The following SIPA1L2 variants were observed in gnomAD, a reference collection of about 807,000 sequenced individuals.
SIPA1L2 encodes the protein signal-induced proliferation-associated 1-like protein 2.
In SIPA1L2, 56 loss-of-function variants were observed where a neutral mutation model predicts 163.9. The ratio of observed to expected loss-of-function variants is 0.34; its 90% CI spans 0.28 to 0.43. The LOEUF is 0.43. SIPA1L2 is among the 20% of genes least tolerant of loss of function. The pLI is 1.00. For missense variants in SIPA1L2, 1,974 were observed against 2,193.5 expected, an observed-to-expected ratio of 0.90 and a Z score of 2.00; for synonymous variants, 877 against 865.7, an observed-to-expected ratio of 1.01 and a Z score of -0.23.
chr1:232,574,265 T>C (rs189729213), intron 1 of SIPA1L2, among the ~76,000 whole-genome samples, 43 bp from the exon 2 acceptor site: 1 of 152,258 alleles, frequency 6.6e-6, no homozygotes, highest in East Asian at 1.9e-4. Flanking sequence ...CCAGAACAAC[T>C]CTTGGTCAGC....
At chr1:232,439,998 G>A (rs1558179036) in intron 14 of SIPA1L2, among the ~76,000 whole-genome samples, 1 of 152,202 alleles carries the variant, frequency 6.6e-6, no homozygotes, top group Non-Finnish European at 1.5e-5. Flanking sequence ...CATGATTCCT[G>A]TGTGAAGCAA....
chr1:232,542,657 T>G (rs552254753), intron 2 of SIPA1L2, among the ~76,000 whole-genome samples: 12 of 152,238 alleles, frequency 7.9e-5, no homozygotes, highest in Admixed American at 3.3e-4. Flanking sequence ...AGGGGCTAAG[T>G]TAAAGGAACT....
At chr1:232,577,158 A>G in intron 1 of SIPA1L2, among the ~76,000 whole-genome samples, 1 of 152,230 alleles carries the variant, frequency 6.6e-6, no homozygotes, top group East Asian at 1.9e-4. Flanking sequence ...CTTAGTTACC[A>G]TTCCAAAAAT....
At chr1:232,490,214 C>T (rs574318662) in intron 5 of SIPA1L2, among the ~76,000 whole-genome samples, 1 of 152,192 alleles carries the variant, frequency 6.6e-6, no homozygotes, top group South Asian at 2.1e-4. Flanking sequence ...TGTAAAGAAA[C>T]TAGTCATAGT....
At chr1:232,458,116 C>T (rs1664033383) in intron 10 of SIPA1L2, among the ~76,000 whole-genome samples, 1 of 152,114 alleles carries the variant, frequency 6.6e-6, no homozygotes, top group African/African-American at 2.4e-5. Flanking sequence ...ATAGCTAATT[C>T]TAATCCTTCT....
At chr1:232,554,188 A>T (rs920023534) in intron 2 of SIPA1L2, among the ~76,000 whole-genome samples, 1 of 152,226 alleles carries the variant, frequency 6.6e-6, no homozygotes. Context: ...TGTCTCTCTC[A>T]GAGATAAATG....
intron 1 of SIPA1L2, among the ~76,000 whole-genome samples, chr1:232,616,587 C>T (rs1406955362): frequency 6.6e-6 from 1 of 152,204 alleles, no homozygotes; most frequent in Non-Finnish European, 1.5e-5. Context: ...CCTGAATCCA[C>T]ACGTGTCAGG....
chr1:232,425,900 A>C, intron 17 of SIPA1L2, 92 bp from the exon 18 acceptor site: 1 of 1,103,482 alleles, frequency 9.1e-7, no homozygotes, highest in Non-Finnish European at 1.3e-6. Flanking sequence ...TTCACATACT[A>C]TTGTGATAGC....
At chr1:232,617,432 A>C (rs1394944343) in intron 1 of SIPA1L2, among the ~76,000 whole-genome samples, 1 of 152,260 alleles carries the variant, frequency 6.6e-6, no homozygotes, top group East Asian at 1.9e-4. Flanking sequence ...TTGCTCCTAA[A>C]ATCATCTGAC....
intron 2 of SIPA1L2, among the ~76,000 whole-genome samples, chr1:232,551,484 G>A (rs1271499357): frequency 6.6e-6 from 1 of 152,204 alleles, no homozygotes; most frequent in Non-Finnish European, 1.5e-5. Context: ...TGAGCCACGA[G>A]AATTTGAAAA....
rs768457830 is a variant in SIPA1L2 at position 232,415,578 on chromosome 1, C to G, written c.4678G>C (p.Ala1560Pro). ...DGSLSDKSKCADPGLMPLPDT... is the reference protein window; with the variant it reads ...DGSLSDKSKCPDPGLMPLPDT... ...GGGAGGGGCATCAGGCCAGGATCTG[C>G]GCACTTGGACTTATCTGATAAGGAC... Residue 1560 changes from alanine to proline, a missense_variant, in exon 19 of 23, where the codon GCA becomes CCA. Physicochemically the swap from Ala to Pro is conservative, Grantham distance 27. Coordinates refer to ENST00000674635, the MANE Select transcript of SIPA1L2 (RefSeq NM_020808.5). The G allele has an allele frequency of 1.2e-6, 2 of 1,613,906 alleles. No individual in the cohort carries two copies. Among genetic ancestry groups the G allele is most frequent in the South Asian group, 2.2e-5 (2 of 91,012 alleles).
chr1:232,528,752 C>T (rs1322316020), intron 2 of SIPA1L2, among the ~76,000 whole-genome samples: 1 of 152,214 alleles, frequency 6.6e-6, no homozygotes, highest in East Asian at 1.9e-4. Flanking sequence ...AAGGAAACCT[C>T]AAATGTTTGA....
At position 232,572,766 on chromosome 1, in the gene SIPA1L2, TA is replaced by T. The variant is rs1558277801; in HGVS notation, c.-270+1407del. 0.021 allele frequency among the ~76,000 whole-genome samples: 2,478 copies of T among 119,524 alleles called. 207 individuals carry two copies. The East Asian group carries it at 0.26, about 13-fold the overall frequency. The allele number at this position is 119,524 out of a possible 152,430, so 78.4% of individuals were successfully genotyped here. ...ATATATATATATATATATATATATATATATATATATATATTTATTTATTTAT... is the reference window on the plus strand; with the variant it reads ...ATATATATATATATATATATATATATTATATATATATATTTATTTATTTAT... On this transcript the variant is annotated intron_variant, in intron 2 of 22. Transcript: ENST00000674635.
intron 8 of SIPA1L2, among the ~76,000 whole-genome samples, chr1:232,470,329 G>A (rs534231276): frequency 5.3e-5 from 8 of 152,200 alleles, no homozygotes; most frequent in Non-Finnish European, 1.2e-4. Context: ...ACACAGCACA[G>A]TAGAGCCATA....
In SIPA1L2 at chr1:232,443,683, C is replaced by T; in HGVS notation, c.3356G>A (p.Ser1119Asn). The T allele has an allele frequency of 1.2e-6, 2 of 1,607,704 alleles. No individual in the cohort carries two copies. Among genetic ancestry groups the T allele is most frequent in the South Asian group, 2.2e-5 (2 of 89,710 alleles). Residue 1119 changes from serine (S) to asparagine (N), a missense_variant and splice_region_variant, in exon 12 of 23, where the codon AGC becomes AAC. Physicochemically the swap from Ser to Asn is conservative, Grantham distance 46. Around this residue, in one of 3 missense-constraint regions of SIPA1L2, gnomAD observed 1,079 missense variants for 1,150.7 expected, o/e 0.94. Coordinates refer to ENST00000674635, the MANE Select transcript of SIPA1L2 (RefSeq NM_020808.5). ...GGAGGATGACTGGTTGCTGGGTGAG[C>T]TTCTGAAAGGTTGAGTAGAATCATT... ...FDRKLPDGTRSSPSNQSSSSD... is the reference protein window; with the variant it reads ...FDRKLPDGTRNSPSNQSSSSD...
intron 10 of SIPA1L2, among the ~76,000 whole-genome samples, chr1:232,453,301 G>A (rs545829396): frequency 4.2e-4 from 64 of 152,308 alleles, no homozygotes; most frequent in African/African-American, 1.5e-3. Context: ...TCAAAGGGAA[G>A]AATACATATT....
At chr1:232,436,557 G>T (rs562941956) in intron 15 of SIPA1L2, among the ~76,000 whole-genome samples, 42 of 152,312 alleles carry the variant, frequency 2.8e-4, no homozygotes, top group African/African-American at 8.9e-4. Flanking sequence ...GGCTTGAGGG[G>T]ACTGCAAGGC....
At chr1:232,529,431 CCTA>C (rs1363007633) in intron 2 of SIPA1L2, among the ~76,000 whole-genome samples, 2 of 152,212 alleles carry the variant, frequency 1.3e-5, no homozygotes, top group African/African-American at 2.4e-5. Flanking sequence ...TACCTATCGA[CCTA>C]CTAAGTATGA....
At chr1:232,511,328 T>C (rs772954246) in intron 3 of SIPA1L2, among the ~76,000 whole-genome samples, 2 of 152,192 alleles carry the variant, frequency 1.3e-5, no homozygotes, top group Non-Finnish European at 2.9e-5. Flanking sequence ...CAAGATCTGT[T>C]GACAAAACTA....
Sources: allele counts gnomAD v4.1 joint callset (sites outside exome capture counted in the v4.1 genomes callset), GRCh38; gene constraint gnomAD v4.1.1; regional missense constraint gnomAD v4.1.1; transcripts MANE v1.5; gene names NCBI Gene and HGNC (gene_info 2026-07-23, HGNC 2026-07-21).